Variants in ANKRD33 observed in about 807,000 individuals in gnomAD.
The protein encoded by ANKRD33 is photoreceptor ankyrin repeat protein.
In ANKRD33, 20 loss-of-function variants were observed where a neutral mutation model predicts 20.6. The ratio of observed to expected loss-of-function variants is 0.97; its 90% CI spans 0.68 to 1.41. The LOEUF is 1.41. ANKRD33 is among the 40% of genes most tolerant of loss of function. ANKRD33 has a pLI of 0.00. For missense variants in ANKRD33, 545 were observed against 579.6 expected (o/e 0.94, Z 0.61); for synonymous variants, 246 against 245.0 (o/e 1.00, Z -0.04).
At chr12:51,889,717 G>A in intron 4 of ANKRD33, 1 of 769,960 alleles carries the variant, frequency 1.3e-6, no homozygotes, top group Non-Finnish European at 2.0e-6. Context: ...CAGACATTGT[G>A]TGTGGAGGTC....
rs201317789 is a variant in ANKRD33 at position 51,889,451 on chromosome 12, G to A, written c.606G>A (p.Thr202=). 9.9e-6 allele frequency: 16 copies of A among 1,614,038 alleles called. No homozygotes were observed. The highest frequency in any genetic ancestry group is 8.0e-5 in the African/African-American group (6 of 75,054). ...DLERRDQRGL[T]ALMKAAMRNR... ...AACGCCGGGACCAGCGGGGGCTCACGGCGTTAATGAAGGCTGCCATGCGGA... is the reference window on the plus strand; with the variant it reads ...AACGCCGGGACCAGCGGGGGCTCACAGCGTTAATGAAGGCTGCCATGCGGA... Residue 202 remains threonine (T), a synonymous_variant, in exon 4 of 5, where the codon ACG becomes ACA. Transcript: ENST00000301190.
intron 4 of ANKRD33, chr12:51,889,797 T>C: frequency 2.3e-6 from 1 of 427,886 alleles, no homozygotes; most frequent in Non-Finnish European, 4.2e-6. Flanking sequence ...GGCTGGCATC[T>C]GGAACCAGCC....
In ANKRD33 at chr12:51,890,795, C is replaced by A. The variant is rs768019619; in HGVS notation, c.849C>A (p.Leu283=). ...AQAQAQVAPS[L]LERLQATLSL... ...CCCAGGCCCAGGTTGCCCCTTCACTCCTAGAACGGCTGCAGGCTACCTTGA... is the reference window on the plus strand; with the variant it reads ...CCCAGGCCCAGGTTGCCCCTTCACTACTAGAACGGCTGCAGGCTACCTTGA... The change falls in exon 5 of 5, where the codon CTC becomes CTA. Residue 283 remains leucine (L), a synonymous_variant. Transcript: ENST00000301190. 2.5e-6 allele frequency: 4 copies of A among 1,607,154 alleles called. No homozygotes were observed. The highest frequency in any genetic ancestry group is 2.5e-6 in the Non-Finnish European group (3 of 1,179,260).
At position 51,890,602 on chromosome 12, in the gene ANKRD33, T is replaced by A; in HGVS notation, c.656T>A (p.Val219Glu). 2 of 1,610,852 alleles carry A rather than the reference T, an allele frequency of 1.2e-6. No homozygotes were observed. The highest frequency in any genetic ancestry group is 1.7e-6 in the Non-Finnish European group (2 of 1,179,846). The change falls in exon 5 of 5, where the codon GTG (valine) becomes GAG (glutamate). Residue 219 changes from valine to glutamate, a missense_variant. Coordinates refer to ENST00000301190, the MANE Select transcript of ANKRD33 (RefSeq NM_182608.4). ...TTCCCAGGTGCTGACCTGACAGCAG[T>A]GGACCCTGTTCGGGGCAAGACGGCC... ...MRNRCADLTA[V>E]DPVRGKTALE... is the part of the protein sequence containing the mutation.
rs145080334 is a variant in ANKRD33 at position 51,889,082 on chromosome 12, G to A, written c.412G>A (p.Ala138Thr). 93 of 1,614,042 alleles carry A rather than the reference G, an allele frequency of 5.8e-5. No homozygotes were observed. The East Asian group carries it at 1.8e-3, about 31-fold the overall frequency. ...DSNGRTGLMV[A>T]CYHGFQSVVA... ...CCTCCCTCAGACAGGCCTCATGGTC[G>A]CATGCTACCACGGCTTCCAGAGTGT... The change falls in exon 3 of 5, where the codon GCA becomes ACA. Residue 138 changes from alanine to threonine, a missense_variant. Transcript: ENST00000301190.
chr12:51,889,721 G>A, intron 4 of ANKRD33: 1 of 746,428 alleles, frequency 1.3e-6, no homozygotes, highest in Non-Finnish European at 2.1e-6. Flanking sequence ...CATTGTGTGT[G>A]GAGGTCCCAG....
rs1335718469 is a variant in ANKRD33 at position 51,888,221 on chromosome 12, C to T, written c.35C>T (p.Ser12Phe). 1 of 1,614,110 alleles carries T rather than the reference C, an allele frequency of 6.2e-7. No individual in the cohort carries two copies. Among genetic ancestry groups the T allele is most frequent in the African/African-American group, 1.3e-5 (1 of 74,950 alleles). ...KVQPSVTCVA[S>F]WGGIVHLEAF... ...CAGCCATCTGTTACCTGCGTTGCTT[C>T]CTGGGGAGGGATAGTCCACCTGGAG... Residue 12 changes from serine to phenylalanine, a missense_variant, in exon 1 of 5, where the codon TCC becomes TTC. By Grantham distance (155) the Ser-to-Phe change is radical. Transcript: ENST00000301190.
intron 4 of ANKRD33, chr12:51,890,189 G>T (rs1463488456): frequency 1.1e-5 from 4 of 375,236 alleles, no homozygotes; most frequent in African/African-American, 6.2e-5. Flanking sequence ...CCCAAGATGG[G>T]AGAGGGAGAT....
chr12:51,888,558 TG>T lies in ANKRD33; in HGVS notation c.146-9del, dbSNP rs758972451. 6.5e-7 allele frequency: 1 copy of T among 1,545,550 alleles called. No individual in the cohort carries two copies. The highest frequency in any genetic ancestry group is 8.7e-7 in the Non-Finnish European group (1 of 1,149,206). On this transcript the variant is annotated splice_polypyrimidine_tract_variant and intron_variant, in intron 1 of 4. Coordinates refer to ENST00000301190, the MANE Select transcript of ANKRD33 (RefSeq NM_182608.4). ...AGACACTCACTACTCCTCTCCATTC[TG>T]TGTTTTAGATGCCAGCTGCATGAGA...
chr12:51,891,226 C>T lies in ANKRD33; in HGVS notation c.1280C>T (p.Ala427Val), dbSNP rs1244741646. ...KPSPSGHQSL[A>V]LPLWRYQELR... Reference sequence around the variant, plus strand: ...AGTCCTTCAGGACACCAAAGTCTGGCCCTTCCTCTCTGGCGATACCAGGAG... The same window carrying T: ...AGTCCTTCAGGACACCAAAGTCTGGTCCTTCCTCTCTGGCGATACCAGGAG... The change falls in exon 5 of 5, where the codon GCC becomes GTC. Residue 427 changes from alanine (A) to valine (V), a missense_variant. Transcript: ENST00000301190. 3 of 1,614,238 alleles carry T rather than the reference C, an allele frequency of 1.9e-6. No individual in the cohort carries two copies. The highest frequency in any genetic ancestry group is 2.2e-5 in the East Asian group (1 of 44,888).
rs3180417 is a variant in ANKRD33 at position 51,891,302 on chromosome 12, G to A, written c.1356G>A (p.Lys452=). The part of the protein sequence containing the change: ...KQEEEARMAQ[K] The stretch of plus-strand genomic sequence containing the variant: ...AGGAGGAGGCCAGAATGGCACAGAA[G>A]TAGGGGAAGATGGGATAGGACAGGC... Residue 452 remains lysine (K), a synonymous_variant, in exon 5 of 5, where the codon AAG becomes AAA. Coordinates refer to ENST00000301190, the MANE Select transcript of ANKRD33 (RefSeq NM_182608.4). 312,818 of 1,613,236 alleles carry A rather than the reference G, an allele frequency of 0.19. 31,676 individuals are homozygous for A. Among genetic ancestry groups the A allele is most frequent in the South Asian group, 0.22 (19,611 of 90,992 alleles).
chr12:51,889,465 C>T lies in ANKRD33; in HGVS notation c.620C>T (p.Ala207Val), dbSNP rs200468368. The T allele has an allele frequency of 3.3e-4, 536 of 1,613,946 alleles. No individual in the cohort carries two copies. Among genetic ancestry groups the T allele is most frequent in the Non-Finnish European group, 3.5e-4 (408 of 1,180,014 alleles). Residue 207 changes from alanine to valine, a missense_variant, in exon 4 of 5, where the codon GCT becomes GTT. Transcript: ENST00000301190. Reference protein sequence around the residue: ...DQRGLTALMKAAMRNRCADLT... With the variant: ...DQRGLTALMKVAMRNRCADLT... ...CGGGGGCTCACGGCGTTAATGAAGGCTGCCATGCGGAACCGCTGTGAGTGC... is the reference window on the plus strand; with the variant it reads ...CGGGGGCTCACGGCGTTAATGAAGGTTGCCATGCGGAACCGCTGTGAGTGC...
rs1565583973 is a variant in ANKRD33, at chr12:51,889,475, G to A, written c.630G>A (p.Arg210=). The change falls in exon 4 of 5, where the codon CGG becomes CGA. Residue 210 remains arginine (R), a synonymous_variant. Coordinates refer to ENST00000301190, the MANE Select transcript of ANKRD33 (RefSeq NM_182608.4). ...GLTALMKAAM[R]NRCADLTAVD... ...CGGCGTTAATGAAGGCTGCCATGCG[G>A]AACCGCTGTGAGTGCGTGGCCACCC... The A allele has an allele frequency of 1.9e-6, 3 of 1,613,822 alleles. No homozygotes were observed. The highest frequency in any genetic ancestry group is 1.7e-5 in the Admixed American group (1 of 60,006).
chr12:51,891,404 C>T lies in ANKRD33; in HGVS notation c.*99C>T, dbSNP rs555072393. The T allele has an allele frequency of 2.7e-6, 4 of 1,463,908 alleles. No individual in the cohort carries two copies. In the African/African-American group the frequency reaches 4.3e-5, roughly 16 times the overall value. 90.7% of individuals were successfully genotyped at this position (1,463,908 alleles called of 1,614,324 possible). On this transcript the variant is annotated 3_prime_UTR_variant, in exon 5 of 5. Transcript: ENST00000301190. Reference sequence around the variant, plus strand: ...CTCCGGCCTCCCCATCCACCTCTGCCTAAGTAAATCTGCTCTCAACCTATA... The same window carrying T: ...CTCCGGCCTCCCCATCCACCTCTGCTTAAGTAAATCTGCTCTCAACCTATA...
At chr12:51,889,624 G>T in intron 4 of ANKRD33, 142 bp downstream of exon 4, 5 of 1,418,110 alleles carry the variant, frequency 3.5e-6, no homozygotes, top group Non-Finnish European at 4.7e-6. Flanking sequence ...TGGAGATGGG[G>T]GATCAATCTA....
Position 51,891,078 on chromosome 12 carries a change from G to T in ANKRD33, c.1132G>T (p.Gly378Cys), listed in dbSNP as rs746454607. Reference sequence around the variant, plus strand: ...CTTCGTCCCCTACCAGAGCCCTCAGGGCATATTGAGCAAGTGCCTTCAGTG... The same window carrying T: ...CTTCGTCCCCTACCAGAGCCCTCAGTGCATATTGAGCAAGTGCCTTCAGTG... The part of the protein sequence containing the change: ...WVFVPYQSPQ[G>C]ILSKCLQWLQ... Residue 378 changes from glycine (G) to cysteine (C), a missense_variant, in exon 5 of 5, where the codon GGC (glycine) becomes TGC (cysteine). Transcript: ENST00000301190. The T allele has an allele frequency of 6.2e-7, 1 of 1,613,994 alleles. No homozygotes were observed.
rs112875271 is a variant in ANKRD33 at position 51,891,481 on chromosome 12, A to C, written c.*176A>C. 76 of 1,153,610 alleles carry C rather than the reference A, an allele frequency of 6.6e-5. No individual in the cohort carries two copies. In the African/African-American group the frequency reaches 1.0e-3, roughly 16 times the overall value. The allele number at this position is 1,153,610 out of a possible 1,614,324, so 71.5% of individuals were successfully genotyped here. On this transcript the variant is annotated 3_prime_UTR_variant, in exon 5 of 5. Transcript: ENST00000301190. The stretch of plus-strand genomic sequence containing the variant: ...TTGTTTGCAAGAGTGAAAGAGTGGA[A>C]ACACCCGAAGTGTCCATCAGTAAGG...
chr12:51,888,195 C>T lies in ANKRD33; in HGVS notation c.9C>T (p.Val3=). Reference sequence around the variant, plus strand: ...GTTTGCAGCAGCTCTTTATGAAAGTCCAGCCATCTGTTACCTGCGTTGCTT... The same window carrying T: ...GTTTGCAGCAGCTCTTTATGAAAGTTCAGCCATCTGTTACCTGCGTTGCTT... The part of the protein sequence containing the change: MK[V]QPSVTCVASW... The change falls in exon 1 of 5, where the codon GTC becomes GTT. Residue 3 remains valine (V), a synonymous_variant. Coordinates refer to ENST00000301190, the MANE Select transcript of ANKRD33 (RefSeq NM_182608.4). The T allele has an allele frequency of 6.2e-7, 1 of 1,614,030 alleles. No homozygotes were observed.
Position 51,890,966 on chromosome 12 carries a change from G to T in ANKRD33, c.1020G>T (p.Lys340Asn), listed in dbSNP as rs756660982. ...DHPPSLGTRS[K>N]SVPELLGTAP... Reference sequence around the variant, plus strand: ...CACCTTCGCTGGGCACCCGAAGCAAGTCCGTGCCAGAGCTGTTAGGTACTG... The same window carrying T: ...CACCTTCGCTGGGCACCCGAAGCAATTCCGTGCCAGAGCTGTTAGGTACTG... Residue 340 changes from lysine (K) to asparagine (N), a missense_variant, in exon 5 of 5, where the codon AAG becomes AAT. By Grantham distance (94) the Lys-to-Asn change is moderately conservative. Transcript: ENST00000301190. 3 of 1,613,616 alleles carry T rather than the reference G, an allele frequency of 1.9e-6. No individual in the cohort carries two copies. Among genetic ancestry groups the T allele is most frequent in the Admixed American group, 3.3e-5 (2 of 60,028 alleles).
Sources: allele counts gnomAD v4.1 joint callset, GRCh38; gene constraint gnomAD v4.1.1; transcripts MANE v1.5; gene names NCBI Gene and HGNC (gene_info 2026-07-23, HGNC 2026-07-21).